BLTP1: variants seen among roughly 807,000 people sequenced by gnomAD.
BLTP1 encodes fragile site-associated protein.
chr4:122,185,989 G>A, the BLTP1 span: 2 of 1,407,990 alleles, frequency 1.4e-6, no homozygotes, highest in Non-Finnish European at 1.9e-6. Flanking sequence ...AAACTTTGAA[G>A]TTCTTAAAAA....
the BLTP1 span, chr4:122,346,853 A>G: frequency 1.3e-6 from 2 of 1,528,690 alleles, no homozygotes; most frequent in Non-Finnish European, 1.8e-6. Flanking sequence ...AGGGTGTACC[A>G]TGTGATGCGT....
chr4:122,197,365 A>T, the BLTP1 span: 1 of 1,033,462 alleles, frequency 9.7e-7, no homozygotes, highest in African/African-American at 1.7e-5. Flanking sequence ...TAACATTAAT[A>T]AGGTTTTCTT....
the BLTP1 span, chr4:122,344,058 G>A: frequency 1.1e-6 from 1 of 919,930 alleles, no homozygotes; most frequent in Non-Finnish European, 1.3e-6. Context: ...ATAAAACACT[G>A]CAAATGCATA....
the BLTP1 span, chr4:122,269,078 T>C: frequency 1.0e-6 from 1 of 964,218 alleles, no homozygotes; most frequent in Non-Finnish European, 1.2e-6. Flanking sequence ...CATTAATACC[T>C]ACACATACTC....
At chr4:122,288,308 G>A in the BLTP1 span, among the ~76,000 whole-genome samples, 2 of 152,194 alleles carry the variant, frequency 1.3e-5, no homozygotes, top group East Asian at 1.9e-4. Context: ...AATTTTGTTG[G>A]TTTTTATTCA....
the BLTP1 span, chr4:122,199,280 T>C: frequency 6.4e-7 from 1 of 1,553,262 alleles, no homozygotes; most frequent in Non-Finnish European, 8.7e-7. Flanking sequence ...TGAGTGGTGG[T>C]AGGAGTTGGT....
the BLTP1 span, chr4:122,248,185 C>T: frequency 1.2e-4 from 102 of 863,064 alleles, no homozygotes; most frequent in Non-Finnish European, 1.4e-4. Context: ...AGGGACTTTT[C>T]ATGACTACCT....
chr4:122,179,775 C>T, the BLTP1 span: 1 of 881,878 alleles, frequency 1.1e-6, no homozygotes. Flanking sequence ...TACATGCACA[C>T]ACACTCACAC....
chr4:122,291,454 A>G, the BLTP1 span, among the ~76,000 whole-genome samples: 2 of 152,272 alleles, frequency 1.3e-5, no homozygotes, highest in Non-Finnish European at 2.9e-5. Context: ...TTATTTTCCT[A>G]ATTTTTTCTT....
chr4:122,333,726 G>A, the BLTP1 span: 94 of 1,611,944 alleles, frequency 5.8e-5, no homozygotes, highest in Middle Eastern at 1.7e-4. Flanking sequence ...TTTAATGACC[G>A]GCAAGAAAGT....
the BLTP1 span, chr4:122,271,215 G>A: frequency 6.2e-7 from 1 of 1,613,884 alleles, no homozygotes; most frequent in Non-Finnish European, 8.5e-7. Context: ...CAGTCAATAA[G>A]CCAGCATGTA....
chr4:122,318,403 G>A, the BLTP1 span: 1 of 739,854 alleles, frequency 1.4e-6, no homozygotes, highest in South Asian at 1.6e-5. Flanking sequence ...ACAAACTTAG[G>A]AGGTAGCTTG....
the BLTP1 span, chr4:122,192,129 G>T: frequency 1.5e-6 from 2 of 1,311,656 alleles, no homozygotes; most frequent in Middle Eastern, 4.1e-4. Flanking sequence ...AGAGTGTAAA[G>T]GTTTCCTGAG....
the BLTP1 span, chr4:122,188,048 C>T: frequency 6.4e-7 from 1 of 1,563,938 alleles, no homozygotes. Flanking sequence ...TCGAGTCATG[C>T]TTGTTCCTAG....
the BLTP1 span, chr4:122,189,783 T>C: frequency 1.1e-6 from 1 of 903,292 alleles, no homozygotes; most frequent in Non-Finnish European, 1.3e-6. Flanking sequence ...AGTATCATTT[T>C]ATTATTAAGT....
chr4:122,221,401 CT>C, the BLTP1 span, among the ~76,000 whole-genome samples: 1 of 152,086 alleles, frequency 6.6e-6, no homozygotes, highest in Non-Finnish European at 1.5e-5. Flanking sequence ...TGGTTTTAAA[CT>C]TTTATTTTGA....
the BLTP1 span, chr4:122,281,781 T>C: frequency 3.3e-6 from 5 of 1,514,636 alleles, no homozygotes; most frequent in Admixed American, 9.4e-5. Flanking sequence ...ACAGGTAATA[T>C]TGAATTCTGA....
the BLTP1 span, chr4:122,333,918 CTTCT>C: frequency 1.5e-6 from 2 of 1,336,356 alleles, no homozygotes; most frequent in African/African-American, 3.0e-5. Context: ...GACTTAGTGA[CTTCT>C]TTGTCTAATA....
chr4:122,286,437 G>C, the BLTP1 span: 1 of 1,535,114 alleles, frequency 6.5e-7, no homozygotes, highest in Middle Eastern at 1.8e-4. Context: ...AGATAGGTTT[G>C]GGAATATCCA....
Sources: gnomAD v4.1 joint callset for allele counts (sites outside exome capture counted in the v4.1 genomes callset) on GRCh38, gnomAD v4.1.1 for gene constraint, MANE v1.5 for transcripts, NCBI Gene and HGNC (gene_info 2026-07-23, HGNC 2026-07-21) for gene names.